The following BDP1 variants were observed in gnomAD, a reference collection of about 807,000 sequenced individuals.
BDP1 encodes BDP1 general transcription factor IIIB subunit, also known as transcription factor TFIIIB component B'' homolog.
A neutral mutation model predicts 266.6 loss-of-function variants in BDP1; 169 were observed. The ratio of observed to expected loss-of-function variants is 0.63; its 90% confidence interval spans 0.56 to 0.72. The LOEUF is 0.72. Among genes scored for constraint, BDP1 ranks in the 30% least tolerant of loss-of-function variants. The pLI, the probability that BDP1 is intolerant of heterozygous loss-of-function variation, is 0.00. For synonymous variants in BDP1, 1,090 were observed against 1,022.4 expected (o/e 1.07, Z -1.26); for missense variants, 3,015 against 3,053.8 (o/e 0.99, Z 0.30).
downstream of BDP1, among the ~76,000 whole-genome samples, chr5:71,570,509 G>A (rs1222954305): frequency 6.6e-6 from 1 of 152,166 alleles, no homozygotes; most frequent in African/African-American, 2.4e-5. Context: ...ACCTAGAATT[G>A]TTTTGTCTAT....
rs574354794 is a variant in BDP1 at position 71,491,118 on chromosome 5, A to C, written c.1627A>C (p.Ile543Leu). 6.2e-7 allele frequency: 1 copy of C among 1,613,608 alleles called. No individual in the cohort carries two copies. Among genetic ancestry groups the C allele is most frequent in the Non-Finnish European group, 8.5e-7 (1 of 1,179,826 alleles). The change falls in exon 11 of 39, where the codon ATC becomes CTC. Residue 543 changes from isoleucine (I) to leucine (L), a missense_variant. Ile to Leu is a conservative substitution (Grantham distance 5). This residue lies in a region of BDP1 where 2,383 missense variants were observed against 2,404.9 expected (regional missense o/e 0.99). Coordinates refer to ENST00000358731, the MANE Select transcript of BDP1 (RefSeq NM_018429.3). ...AAAAGTTGAGAAAAGAACTGACCCC[A>C]TCCTTTCATTAAGGTATTTTCTGTG... ...TEKVEKRTDP[I>L]LSLSNQQDAT...
At chr5:71,480,555 C>T (rs1289130398) in intron 7 of BDP1, among the ~76,000 whole-genome samples, 3 of 133,300 alleles carry the variant, frequency 2.3e-5, no homozygotes, top group African/African-American at 2.7e-5. Flanking sequence ...TAGGCGTGAG[C>T]CACTGTGCCC....
chr5:71,501,285 C>T (rs921937941), intron 13 of BDP1, among the ~76,000 whole-genome samples: 10 of 152,230 alleles, frequency 6.6e-5, no homozygotes, highest in Non-Finnish European at 1.0e-4. Context: ...AAAGAATTCT[C>T]CTGCCTTAGC....
rs1358747480 is a variant in BDP1, at chr5:71,567,495, G to A, written c.*2610G>A. On this transcript the variant is annotated 3_prime_UTR_variant, in exon 39 of 39. Transcript: ENST00000358731. Reference sequence around the variant, plus strand: ...ATTCATGTGAAGAAGATGTTGCAAAGGATTTATTTCACAAATTTTAAAGGA... The same window carrying A: ...ATTCATGTGAAGAAGATGTTGCAAAAGATTTATTTCACAAATTTTAAAGGA... 1 of 152,308 alleles carries A rather than the reference G, an allele frequency of 6.6e-6. No individual in the cohort carries two copies. The highest frequency in any genetic ancestry group is 1.5e-5 in the Non-Finnish European group (1 of 68,028). The allele number at this position is 152,308 out of a possible 1,614,324, so 9.4% of individuals were successfully genotyped here.
chr5:71,507,194 G>T (rs1414637288), intron 16 of BDP1, among the ~76,000 whole-genome samples: 1 of 152,146 alleles, frequency 6.6e-6, no homozygotes, highest in Non-Finnish European at 1.5e-5. Flanking sequence ...CACATTTATA[G>T]TTTTGTGCTC....
intron 16 of BDP1, among the ~76,000 whole-genome samples, 178 bp from the exon 17 acceptor site, chr5:71,509,287 C>T (rs562929095): frequency 6.6e-6 from 1 of 152,014 alleles, no homozygotes; most frequent in East Asian, 1.9e-4. Context: ...GCTGTGATTT[C>T]AAAAGGTGGG....
rs889919012 is a variant in BDP1 at position 71,456,009 on chromosome 5, T to C, written c.132T>C (p.Ala44=). The change falls in exon 1 of 39, where the codon GCT becomes GCC. Residue 44 remains alanine (A), a synonymous_variant. Coordinates refer to ENST00000358731, the MANE Select transcript of BDP1 (RefSeq NM_018429.3). ...CGCCGGATCCTGCCACGGACTCTGC[T>C]TCCAAGCCCGCGGAGCCCACAGATG... ...PRPPDPATDS[A]SKPAEPTDVP... 2.5e-6 allele frequency: 4 copies of C among 1,613,482 alleles called. No individual in the cohort carries two copies. Among genetic ancestry groups the C allele is most frequent in the East Asian group, 2.2e-5 (1 of 44,882 alleles).
chr5:71,541,765 A>G, intron 29 of BDP1, 83 bp downstream of exon 29: 2 of 858,688 alleles, frequency 2.3e-6, no homozygotes, highest in South Asian at 4.4e-5. Flanking sequence ...TTTAAATGTA[A>G]AGTAGGCAAT....
At chr5:71,479,200 C>T (rs1308871837) in intron 7 of BDP1, among the ~76,000 whole-genome samples, 3 of 151,602 alleles carry the variant, frequency 2.0e-5, no homozygotes, top group African/African-American at 7.3e-5. Context: ...CCGTCATGCG[C>T]CCGGCTAATT....
chr5:71,512,304 AAAG>A lies in BDP1; in HGVS notation c.4127_4129del (p.Glu1376del), dbSNP rs1764970532. 1 of 1,594,314 alleles carries A rather than the reference AAAG, an allele frequency of 6.3e-7. No homozygotes were observed. The highest frequency in any genetic ancestry group is 1.4e-5 in the African/African-American group (1 of 73,666). ...TGTAGAAGAAAAAAGAAATTCTGAA[AAAG>A]AAGTATCAAGTCACTTCAGTCATTT... On this transcript the variant is annotated inframe_deletion, in exon 18 of 39. Transcript: ENST00000358731.
chr5:71,527,348 C>T (rs892173963), intron 25 of BDP1, among the ~76,000 whole-genome samples: 1 of 152,188 alleles, frequency 6.6e-6, no homozygotes, highest in Admixed American at 6.5e-5. Context: ...CCTGGTCACT[C>T]TCAGGTCTGC....
At chr5:71,561,662 G>A (rs1207808127) in intron 37 of BDP1, among the ~76,000 whole-genome samples, 1 of 152,182 alleles carries the variant, frequency 6.6e-6, no homozygotes, top group Non-Finnish European at 1.5e-5. Flanking sequence ...GGGGCTGCAT[G>A]TGGCCTGTAG....
chr5:71,504,038 C>T (rs893685840), intron 15 of BDP1, among the ~76,000 whole-genome samples: 2 of 151,550 alleles, frequency 1.3e-5, no homozygotes, highest in African/African-American at 2.4e-5. Flanking sequence ...TCTGGGAGGC[C>T]GAGGTGGGCG....
At chr5:71,457,385 G>A (rs180740633) in intron 1 of BDP1, among the ~76,000 whole-genome samples, 3 of 148,974 alleles carry the variant, frequency 2.0e-5, no homozygotes, top group African/African-American at 7.4e-5. Context: ...GCAGTGGTAC[G>A]GCTCACTGCA....
chr5:71,561,825 C>A (rs1490013826), intron 37 of BDP1, among the ~76,000 whole-genome samples: 2 of 152,160 alleles, frequency 1.3e-5, no homozygotes, highest in Admixed American at 1.3e-4. Context: ...ATAAGATCCC[C>A]AAGTGATTTG....
chr5:71,463,694 G>A (rs1761711473), intron 3 of BDP1, among the ~76,000 whole-genome samples: 1 of 151,956 alleles, frequency 6.6e-6, no homozygotes, highest in African/African-American at 2.4e-5. Context: ...CTGGTGTGGT[G>A]GCATGCACCT....
intron 7 of BDP1, 36 bp downstream of exon 7, chr5:71,470,525 A>C (rs1762174468): frequency 1.5e-6 from 2 of 1,310,778 alleles, no homozygotes; most frequent in Non-Finnish European, 2.2e-6. Context: ...GATTGGAAAG[A>C]GACCAAACAT....
intron 7 of BDP1, among the ~76,000 whole-genome samples, chr5:71,478,248 T>TCAAAAA (rs1479101918): frequency 6.6e-6 from 1 of 152,144 alleles, no homozygotes; most frequent in Admixed American, 6.6e-5. Flanking sequence ...AAACTCTGTC[T>TCAAAAA]CAAAAACAAA....
chr5:71,465,286 T>C (rs1761836458), intron 4 of BDP1, among the ~76,000 whole-genome samples: 2 of 152,102 alleles, frequency 1.3e-5, no homozygotes, highest in South Asian at 4.2e-4. Flanking sequence ...ATTATTATTA[T>C]TATTATTTTT....
Sources: gnomAD v4.1 joint callset for allele counts (sites outside exome capture counted in the v4.1 genomes callset) on GRCh38, gnomAD v4.1.1 for gene constraint, gnomAD v4.1.1 regional missense constraint, MANE v1.5 for transcripts, NCBI Gene and HGNC (gene_info 2026-07-23, HGNC 2026-07-21) for gene names.